The following HBS1L variants were observed in gnomAD, a reference collection of about 807,000 sequenced individuals.
HBS1L encodes HBS1 like translational GTPase.
In HBS1L, 55 loss-of-function variants were observed where a neutral mutation model predicts 88.9. The observed-to-expected ratio is 0.62, with a 90% CI of 0.50 to 0.77. HBS1L has a LOEUF of 0.77. Ranked by LOEUF, HBS1L falls within the 30% of genes least tolerant of loss-of-function variation. The pLI is 0.00. For synonymous variants in HBS1L, 267 were observed against 288.5 expected (o/e 0.93, Z 0.76); for missense variants, 741 against 829.3 (o/e 0.89, Z 1.31).
At chr6:134,983,756 G>C (rs1228939058) in intron 12 of HBS1L, among the ~76,000 whole-genome samples, 2 of 152,138 alleles carry the variant, frequency 1.3e-5, no homozygotes, top group African/African-American at 2.4e-5. Flanking sequence ...GACACTCATG[G>C]ATGTCAGTTC....
chr6:134,997,623 G>T lies in HBS1L; in HGVS notation c.573C>A (p.His191Gln). The change falls in exon 6 of 18, where the codon CAC (histidine) becomes CAA (glutamine). Residue 191 changes from histidine (H) to glutamine (Q), a missense_variant. His to Gln is a conservative substitution (Grantham distance 24, BLOSUM62 0). This residue lies in a region of HBS1L where 556 missense variants were observed against 598.4 expected (regional missense o/e 0.93). Coordinates refer to ENST00000367837, the MANE Select transcript of HBS1L (RefSeq NM_006620.4). ...VSSEENGHSF[H>Q]TPQKGPPIED... Reference sequence around the variant, plus strand: ...CAATGGGCGGTCCTTTTTGAGGTGTGTGGAAACTATGACCATTTTCTTCAG... The same window carrying T: ...CAATGGGCGGTCCTTTTTGAGGTGTTTGGAAACTATGACCATTTTCTTCAG... 6.2e-7 allele frequency: 1 copy of T among 1,614,006 alleles called. No homozygotes were observed. Among genetic ancestry groups the T allele is most frequent in the Non-Finnish European group, 8.5e-7 (1 of 1,179,898 alleles).
chr6:134,974,797 C>CA (rs1774595904), intron 15 of HBS1L, among the ~76,000 whole-genome samples: 1 of 152,088 alleles, frequency 6.6e-6, no homozygotes, highest in African/African-American at 2.4e-5. Flanking sequence ...AACCCACAGC[C>CA]AACATCATAC....
At chr6:134,999,522 A>T (rs948562938) in intron 5 of HBS1L, among the ~76,000 whole-genome samples, 3 of 138,396 alleles carry the variant, frequency 2.2e-5, no homozygotes, top group Non-Finnish European at 4.5e-5. Flanking sequence ...ATCTCAGCTC[A>T]CTGCAACCTC....
chr6:135,023,841 CTTTA>C (rs143286444), intron 4 of HBS1L, among the ~76,000 whole-genome samples: 6,420 of 152,156 alleles, frequency 0.042, 421 homozygotes, highest in African/African-American at 0.14. Flanking sequence ...TTATCAGCTA[CTTTA>C]TTTGTGAGGC....
chr6:135,007,734 A>AT (rs1775653327), intron 4 of HBS1L, among the ~76,000 whole-genome samples: 1 of 152,202 alleles, frequency 6.6e-6, no homozygotes, highest in Non-Finnish European at 1.5e-5. Flanking sequence ...TCAAATCCAT[A>AT]TTTTTTAAAA....
chr6:134,990,304 T>G (rs776826005), intron 8 of HBS1L, among the ~76,000 whole-genome samples: 1 of 152,182 alleles, frequency 6.6e-6, no homozygotes, highest in Non-Finnish European at 1.5e-5. Context: ...AATAAAGTGA[T>G]CTCTCTCCAC....
intron 16 of HBS1L, among the ~76,000 whole-genome samples, chr6:134,967,635 G>C (rs1319076696): frequency 6.6e-6 from 1 of 152,174 alleles, no homozygotes; most frequent in East Asian, 1.9e-4. Context: ...GGAGCATGGA[G>C]GGGAAGACTC....
rs1019808423 is a variant in HBS1L at position 134,965,426 on chromosome 6, T to C, written c.2044-136A>G. ...TTTCTTTGTCCTGCAACTTTCTTCC[T>C]TTCCTAGTCATGCCATTTCTGCAAT... On this transcript the variant is annotated intron_variant, in intron 17 of 17. Transcript: ENST00000367837. 8 of 634,908 alleles carry C rather than the reference T, an allele frequency of 1.3e-5. No individual in the cohort carries two copies. The Admixed American group carries it at 2.5e-4, about 20-fold the overall frequency. The allele number at this position is 634,908 out of a possible 1,614,324, so 39.3% of individuals were successfully genotyped here.
intron 11 of HBS1L, 63 bp from the exon 12 acceptor site, chr6:134,985,472 A>G (rs1202637799): frequency 1.1e-5 from 11 of 984,134 alleles, no homozygotes; most frequent in Non-Finnish European, 1.7e-5. Context: ...ACTCACTTCA[A>G]TAAACTCATT....
At chr6:134,990,121 A>C (rs1583079350) in intron 8 of HBS1L, among the ~76,000 whole-genome samples, 2 of 152,178 alleles carry the variant, frequency 1.3e-5, no homozygotes, top group Non-Finnish European at 2.9e-5. Context: ...AATTCATTGA[A>C]TTGGTATTAA....
At chr6:134,994,225 GCAAAATTAC>G (rs1354008411) in intron 7 of HBS1L, among the ~76,000 whole-genome samples, 1 of 151,954 alleles carries the variant, frequency 6.6e-6, no homozygotes, top group Non-Finnish European at 1.5e-5. Context: ...AAAGACAAAT[GCAAAATTAC>G]CACGACCGAG....
intron 13 of HBS1L, among the ~76,000 whole-genome samples, chr6:134,981,157 T>C (rs943133335): frequency 6.6e-6 from 1 of 151,950 alleles, no homozygotes; most frequent in Non-Finnish European, 1.5e-5. Flanking sequence ...TTTAGGATCA[T>C]GGTTTTAATT....
chr6:135,023,535 T>C (rs1279543864), intron 4 of HBS1L, among the ~76,000 whole-genome samples: 1 of 152,056 alleles, frequency 6.6e-6, no homozygotes, highest in Non-Finnish European at 1.5e-5. Context: ...AGACATACTA[T>C]GTAAAGTTTA....
chr6:134,986,667 A>G (rs1774987011), intron 10 of HBS1L, 69 bp downstream of exon 10: 2 of 666,364 alleles, frequency 3.0e-6, no homozygotes, highest in South Asian at 2.4e-5. Context: ...TCAAAGTATT[A>G]GTTTTTCCTC....
intron 4 of HBS1L, chr6:135,036,498 C>T (rs1776552335): frequency 7.1e-7 from 1 of 1,401,054 alleles, no homozygotes; most frequent in Non-Finnish European, 9.3e-7. Context: ...AAGTGATCCT[C>T]TGAAGACTTT....
intron 4 of HBS1L, 110 bp from the exon 5 acceptor site, chr6:135,002,952 G>A: frequency 1.6e-6 from 1 of 625,864 alleles, no homozygotes; most frequent in Non-Finnish European, 2.7e-6. Flanking sequence ...CAGAATTAAT[G>A]TCTTTATAAA....
chr6:134,973,943 T>C (rs4896122), intron 15 of HBS1L, among the ~76,000 whole-genome samples: 70,598 of 151,698 alleles, frequency 0.47, 16,819 homozygotes, highest in South Asian at 0.56. Flanking sequence ...CACATATATA[T>C]ATATATAAAA....
intron 1 of HBS1L, among the ~76,000 whole-genome samples, chr6:135,050,862 T>C (rs1266013767): frequency 1.3e-5 from 2 of 152,210 alleles, no homozygotes; most frequent in Non-Finnish European, 2.9e-5. Context: ...AGTTCTTCAG[T>C]TGTTAAATTA....
chr6:135,006,566 G>T (rs1443535477), intron 4 of HBS1L, among the ~76,000 whole-genome samples: 1 of 152,096 alleles, frequency 6.6e-6, no homozygotes, highest in Admixed American at 6.6e-5. Context: ...TCAAGGGGGG[G>T]AAATGATGAA....
Sources: allele counts gnomAD v4.1 joint callset (sites outside exome capture counted in the v4.1 genomes callset), GRCh38; gene constraint gnomAD v4.1.1; regional missense constraint gnomAD v4.1.1; transcripts MANE v1.5; gene names NCBI Gene and HGNC (gene_info 2026-07-23, HGNC 2026-07-21).